VKORC1L1: variants seen among roughly 807,000 people sequenced by gnomAD.
VKORC1L1 encodes vitamin K epoxide reductase complex subunit 1L1, also known as vitamin K epoxide reductase complex subunit 1-like protein 1.
Under a neutral mutation model 18.9 loss-of-function variants are expected in VKORC1L1, and 2 were observed. The observed-to-expected ratio is 0.11, with a 90% confidence interval of 0.04 to 0.33. The LOEUF (loss-of-function observed/expected upper bound fraction) is 0.33. Among genes scored for constraint, VKORC1L1 ranks in the 10% least tolerant of loss-of-function variants. The pLI is 1.00. For missense variants in VKORC1L1, 123 were observed against 224.1 expected, an observed-to-expected ratio of 0.55 and a Z score of 2.88; for synonymous variants, 96 against 100.0, an observed-to-expected ratio of 0.96 and a Z score of 0.24.
intron 1 of VKORC1L1, among the ~76,000 whole-genome samples, chr7:65,896,366 CAT>C (rs1194521408): frequency 4.6e-5 from 7 of 152,068 alleles, no homozygotes; most frequent in Non-Finnish European, 7.4e-5. Context: ...AACATTTATA[CAT>C]GTTTGGTGGA....
chr7:65,909,959 A>G (rs1483185589), intron 1 of VKORC1L1, among the ~76,000 whole-genome samples: 3 of 151,688 alleles, frequency 2.0e-5, no homozygotes, highest in African/African-American at 4.8e-5. Flanking sequence ...CTCGTGATCC[A>G]CCCACCTCGG....
intron 1 of VKORC1L1, among the ~76,000 whole-genome samples, chr7:65,939,397 A>G (rs945395683): frequency 6.6e-6 from 1 of 152,290 alleles, no homozygotes; most frequent in East Asian, 1.9e-4. Context: ...TTTCATGCCA[A>G]CCATGATGGT....
At chr7:65,931,915 G>A (rs945333619) in intron 1 of VKORC1L1, among the ~76,000 whole-genome samples, 1 of 151,808 alleles carries the variant, frequency 6.6e-6, no homozygotes, top group Non-Finnish European at 1.5e-5. Context: ...AGCTGGAATT[G>A]CAGGCATGAG....
intron 1 of VKORC1L1, among the ~76,000 whole-genome samples, chr7:65,887,829 A>T (rs998280915): frequency 1.3e-5 from 2 of 149,984 alleles, no homozygotes; most frequent in Non-Finnish European, 3.0e-5. Context: ...CCTGTCATTT[A>T]AAAAAAAAGC....
Position 65,959,451 on chromosome 7 carries a change from T to TA in VKORC1L1, c.*5154dup. On this transcript the variant is annotated 3_prime_UTR_variant, in exon 3 of 3. Coordinates refer to ENST00000360768, the MANE Select transcript of VKORC1L1 (RefSeq NM_173517.6). The stretch of plus-strand genomic sequence containing the variant: ...ACAAAACTTGATTCCTTTGAAAAAC[T>TA]AAAGAGAAGTTGATAAAAAAAATAC... 6.6e-6 allele frequency: 1 copy of TA among 152,336 alleles called. No individual in the cohort carries two copies. Among genetic ancestry groups the TA allele is most frequent in the Non-Finnish European group, 1.5e-5 (1 of 68,020 alleles). The allele number at this position is 152,336 out of a possible 1,614,324, so 9.4% of individuals were successfully genotyped here. A position where few individuals can be genotyped will look rare whatever the true frequency, so the allele number is the denominator to read the frequency against.
At chr7:65,891,807 A>G (rs1481125429) in intron 1 of VKORC1L1, among the ~76,000 whole-genome samples, 1 of 152,222 alleles carries the variant, frequency 6.6e-6, no homozygotes, top group Non-Finnish European at 1.5e-5. Flanking sequence ...TCATGTTAGG[A>G]ATATTCCAAT....
chr7:65,872,519 G>A (rs1381244111), upstream of VKORC1L1, among the ~76,000 whole-genome samples: 2 of 152,014 alleles, frequency 1.3e-5, no homozygotes, highest in African/African-American at 4.8e-5. Flanking sequence ...GTAGAGACGC[G>A]GTTACGCCAT....
intron 1 of VKORC1L1, among the ~76,000 whole-genome samples, chr7:65,905,727 T>G (rs988693091): frequency 7.9e-5 from 12 of 152,162 alleles, no homozygotes; most frequent in East Asian, 3.8e-4. Flanking sequence ...TCTAGAAAAT[T>G]TAAACAATTT....
intron 1 of VKORC1L1, among the ~76,000 whole-genome samples, chr7:65,916,681 C>T (rs1789595214): frequency 6.6e-6 from 1 of 151,982 alleles, no homozygotes; most frequent in African/African-American, 2.4e-5. Flanking sequence ...CCACTGCAAC[C>T]TCCACCTCCC....
chr7:65,893,113 A>C (rs1487037167), intron 1 of VKORC1L1, among the ~76,000 whole-genome samples: 1 of 152,252 alleles, frequency 6.6e-6, no homozygotes, highest in Non-Finnish European at 1.5e-5. Flanking sequence ...TTTCCAAAAC[A>C]TATCCAACAG....
intron 1 of VKORC1L1, among the ~76,000 whole-genome samples, chr7:65,897,983 G>T (rs1789244126): frequency 6.9e-6 from 1 of 144,730 alleles, no homozygotes. Flanking sequence ...TCATTGCTGT[G>T]TTTATAAGCA....
At chr7:65,875,967 A>G (rs2116320085) in intron 1 of VKORC1L1, among the ~76,000 whole-genome samples, 1 of 152,278 alleles carries the variant, frequency 6.6e-6, no homozygotes, top group African/African-American at 2.4e-5. Flanking sequence ...TAATCCAAAC[A>G]CGGTAAGGTA....
chr7:65,866,366 T>G, the VKORC1L1 span, among the ~76,000 whole-genome samples: 2 of 152,100 alleles, frequency 1.3e-5, no homozygotes, highest in Non-Finnish European at 2.9e-5. Flanking sequence ...CCTCGCATAG[T>G]GAAGGAAATG....
intron 1 of VKORC1L1, among the ~76,000 whole-genome samples, chr7:65,944,916 CAAA>C (rs376538691): frequency 1.2e-4 from 9 of 74,930 alleles, no homozygotes; most frequent in Admixed American, 2.9e-4. Flanking sequence ...GACCCCGTCT[CAAA>C]AAAAAAAAAA....
At chr7:65,943,078 GT>G (rs1790063167) in intron 1 of VKORC1L1, among the ~76,000 whole-genome samples, 6 of 152,060 alleles carry the variant, frequency 3.9e-5, no homozygotes, top group Admixed American at 2.6e-4. Context: ...TCATAGTCTA[GT>G]TTAGCATACA....
intron 1 of VKORC1L1, among the ~76,000 whole-genome samples, chr7:65,885,467 T>G (rs907055953): frequency 1.3e-5 from 2 of 152,046 alleles, no homozygotes; most frequent in African/African-American, 4.8e-5. Context: ...GTTGTTTTTT[T>G]TTTCTGGTTT....
chr7:65,874,992 C>T (rs1484661181), intron 1 of VKORC1L1, among the ~76,000 whole-genome samples: 1 of 152,046 alleles, frequency 6.6e-6, no homozygotes, highest in Non-Finnish European at 1.5e-5. Context: ...GTAACTGGAT[C>T]TCTTTATAGT....
intron 1 of VKORC1L1, among the ~76,000 whole-genome samples, chr7:65,888,360 G>T (rs186818630): frequency 9.2e-5 from 14 of 152,240 alleles, no homozygotes; most frequent in Non-Finnish European, 2.9e-5. Context: ...GAACCCAGCT[G>T]GTTCAGGTGG....
intron 1 of VKORC1L1, among the ~76,000 whole-genome samples, chr7:65,907,258 T>C (rs1789421332): frequency 6.6e-6 from 1 of 152,026 alleles, no homozygotes; most frequent in African/African-American, 2.4e-5. Context: ...CTGGCCAACA[T>C]GGTGAAACCC....
Sources: gnomAD v4.1 joint callset for allele counts (sites outside exome capture counted in the v4.1 genomes callset) on GRCh38, gnomAD v4.1.1 for gene constraint, MANE v1.5 for transcripts, NCBI Gene and HGNC (gene_info 2026-07-23, HGNC 2026-07-21) for gene names.